PTPRN2: variants seen among roughly 807,000 people sequenced by gnomAD.
PTPRN2 encodes receptor-type tyrosine-protein phosphatase N2.
PTPRN2 carries 74 observed loss-of-function variants against 118.8 expected under a neutral mutation model. That is an observed-to-expected ratio of 0.62 (90% CI 0.52 to 0.76). PTPRN2 has a LOEUF of 0.76. PTPRN2 is among the 30% of genes least tolerant of loss of function. The probability of loss-of-function intolerance (pLI) is 0.00; values close to 1 mark genes in which losing one functional copy is unlikely to be tolerated. For missense variants in PTPRN2, 1,481 were observed against 1,394.4 expected, an observed-to-expected ratio of 1.06 and a Z score of -0.99; for synonymous variants, 641 against 608.0, an observed-to-expected ratio of 1.05 and a Z score of -0.80.
chr7:158,501,285 C>T (rs1822338880), intron 1 of PTPRN2, among the ~76,000 whole-genome samples: 1 of 152,176 alleles, frequency 6.6e-6, no homozygotes, highest in Non-Finnish European at 1.5e-5. Context: ...TCTCCCCGCC[C>T]GGGGCTACAG....
intron 22 of PTPRN2, among the ~76,000 whole-genome samples, chr7:157,547,010 A>G (rs1400871504): frequency 1.3e-5 from 2 of 152,166 alleles, no homozygotes; most frequent in African/African-American, 4.8e-5. Flanking sequence ...GTTCTGGGCA[A>G]ACTCACCTGT....
At chr7:157,621,248 T>G (rs2906925) in intron 15 of PTPRN2, 114 bp downstream of exon 15, 20,401 of 462,012 alleles carry the variant, frequency 0.044, 40 homozygotes, top group East Asian at 0.057. Flanking sequence ...GCACGGCCAG[T>G]TTCCTCCGCC....
At chr7:157,742,757 G>T in intron 12 of PTPRN2, among the ~76,000 whole-genome samples, 1 of 152,180 alleles carries the variant, frequency 6.6e-6, no homozygotes, top group Non-Finnish European at 1.5e-5. Context: ...CTGTCCTCTT[G>T]ATCTTTTATT....
intron 17 of PTPRN2, among the ~76,000 whole-genome samples, chr7:157,589,924 C>T (rs540412603): frequency 2.1e-4 from 32 of 152,210 alleles, no homozygotes; most frequent in Non-Finnish European, 4.1e-4. Context: ...ATGCCGAGGA[C>T]GGCTTTTTCT....
At chr7:158,551,447 T>G (rs1256150206) in intron 1 of PTPRN2, among the ~76,000 whole-genome samples, 2 of 148,232 alleles carry the variant, frequency 1.3e-5, no homozygotes, top group Non-Finnish European at 3.0e-5. Context: ...TGGGGGGCCC[T>G]GCCTAACCCA....
intron 2 of PTPRN2, among the ~76,000 whole-genome samples, chr7:158,422,828 A>AT (rs1166674685): frequency 1.3e-5 from 2 of 152,236 alleles, no homozygotes; most frequent in African/African-American, 4.8e-5. Flanking sequence ...ACATGGTCTC[A>AT]ATAATCTTCC....
intron 11 of PTPRN2, among the ~76,000 whole-genome samples, chr7:158,053,412 T>G (rs1809485306): frequency 6.6e-6 from 1 of 152,184 alleles, no homozygotes; most frequent in South Asian, 2.1e-4. Flanking sequence ...TGGCTCTGAC[T>G]GTTTAATTAA....
chr7:158,234,002 C>T lies in PTPRN2; in HGVS notation c.278-28729G>A, dbSNP rs117124062. 6.5e-3 allele frequency among the ~76,000 whole-genome samples: 996 copies of T among 152,076 alleles called. 7 individuals carry two copies. Among genetic ancestry groups the T allele is most frequent in the Non-Finnish European group, 9.8e-3 (666 of 67,978 alleles). On this transcript the variant is annotated intron_variant, in intron 3 of 22. Coordinates refer to ENST00000389418, the MANE Select transcript of PTPRN2 (RefSeq NM_002847.5). ...GGATTAAAGGCTTAAATATAAGACC[C>T]GAAACTATGAAACCGCTAAAAGAAA...
chr7:157,877,799 G>A (rs1266291890), intron 12 of PTPRN2, among the ~76,000 whole-genome samples: 1 of 152,200 alleles, frequency 6.6e-6, no homozygotes, highest in African/African-American at 2.4e-5. Flanking sequence ...TCTGCTCAGA[G>A]ACGTCTTCTT....
chr7:157,656,598 C>T, intron 13 of PTPRN2, 47 bp from the exon 14 acceptor site: 2 of 1,458,392 alleles, frequency 1.4e-6, no homozygotes, highest in East Asian at 2.5e-5. Flanking sequence ...GCATTGGGGA[C>T]ACCCAGCAGG....
intron 2 of PTPRN2, among the ~76,000 whole-genome samples, chr7:158,337,711 C>T (rs1486431879): frequency 2.0e-5 from 3 of 147,192 alleles, no homozygotes; most frequent in African/African-American, 2.6e-5. Flanking sequence ...ACCATAAGAG[C>T]TGACGCCCGC....
chr7:157,738,475 C>T (rs1335687859), intron 12 of PTPRN2, among the ~76,000 whole-genome samples: 1 of 152,182 alleles, frequency 6.6e-6, no homozygotes, highest in Non-Finnish European at 1.5e-5. Context: ...CTGATGGGAG[C>T]CTTATCCGAG....
At chr7:158,255,678 A>G (rs1563045214) in intron 3 of PTPRN2, among the ~76,000 whole-genome samples, 1 of 152,140 alleles carries the variant, frequency 6.6e-6, no homozygotes, top group Non-Finnish European at 1.5e-5. Context: ...CGAGGACTCC[A>G]TTCCCGCTGG....
At chr7:157,991,464 C>G (rs189200778) in intron 11 of PTPRN2, among the ~76,000 whole-genome samples, 5 of 152,354 alleles carry the variant, frequency 3.3e-5, no homozygotes, top group African/African-American at 1.2e-4. Context: ...CTCCTCTACA[C>G]GTCCTCTTCA....
chr7:157,780,470 G>C lies in PTPRN2; in HGVS notation c.1789-97533C>G, dbSNP rs573588471. Among the ~76,000 whole-genome samples the C allele has an allele frequency of 6.6e-6, 1 of 152,202 alleles. No homozygotes were observed. The highest frequency in any genetic ancestry group is 1.5e-5 in the Non-Finnish European group (1 of 68,032). ...GCTGCTGGATCAGATGGCGGAACAC[G>C]GCCCAGAGCAACTGAAGTTCGCTTG... is the stretch of plus-strand genomic sequence containing the variant. On this transcript the variant is annotated intron_variant, in intron 12 of 22. Transcript: ENST00000389418. This position sits in a 1 kb window ranked among gnomAD's most constrained non-coding sequence, Gnocchi z 4.5.
chr7:158,089,346 T>G (rs61223038), intron 10 of PTPRN2, among the ~76,000 whole-genome samples: 1 of 31,230 alleles, frequency 3.2e-5, no homozygotes, highest in African/African-American at 5.8e-5. Flanking sequence ...CTTCCCCTGA[T>G]GAAAGAGGGA....
intron 5 of PTPRN2, among the ~76,000 whole-genome samples, chr7:158,183,371 C>T (rs1021993354): frequency 1.3e-5 from 2 of 152,154 alleles, no homozygotes; most frequent in Non-Finnish European, 2.9e-5. Context: ...TATCCCAGTC[C>T]AGCAGCAAAG....
intron 12 of PTPRN2, among the ~76,000 whole-genome samples, chr7:157,835,618 C>G (rs141121627): frequency 1.3e-5 from 2 of 152,072 alleles, no homozygotes; most frequent in Non-Finnish European, 2.9e-5. Flanking sequence ...AGCAATGCCT[C>G]GGCTCTCAGG....
intron 12 of PTPRN2, among the ~76,000 whole-genome samples, chr7:157,692,330 G>A (rs1257138185): frequency 6.6e-6 from 1 of 152,018 alleles, no homozygotes; most frequent in Non-Finnish European, 1.5e-5. Flanking sequence ...CGCTTCCACA[G>A]TCTCCCCTCC....
Sources: allele counts gnomAD v4.1 joint callset (sites outside exome capture counted in the v4.1 genomes callset), GRCh38; gene constraint gnomAD v4.1.1; non-coding constraint Gnocchi (gnomAD v3.1); transcripts MANE v1.5; gene names NCBI Gene and HGNC (gene_info 2026-07-23, HGNC 2026-07-21).